Variants in BAZ1B observed in about 807,000 individuals in gnomAD.
The protein encoded by BAZ1B is bromodomain adjacent to zinc finger domain 1B.
BAZ1B carries 22 observed loss-of-function variants against 153.8 expected under a neutral mutation model. The observed-to-expected ratio is 0.14, with a 90% confidence interval of 0.10 to 0.20. The LOEUF (loss-of-function observed/expected upper bound fraction) is 0.20, where lower values mean the gene tolerates loss of function less well. BAZ1B is among the 10% of genes least tolerant of loss of function. BAZ1B has a pLI of 1.00. For missense variants in BAZ1B, 1,325 were observed against 1,799.3 expected (o/e 0.74, Z 4.77); for synonymous variants, 676 against 633.4 (o/e 1.07, Z -1.01).
At chr7:73,454,401 T>C (rs1788122102) in intron 13 of BAZ1B, among the ~76,000 whole-genome samples, 1 of 152,218 alleles carries the variant, frequency 6.6e-6, no homozygotes, top group Admixed American at 6.5e-5. Context: ...GCTTAAGTCA[T>C]GAATTAAATC....
intron 16 of BAZ1B, among the ~76,000 whole-genome samples, chr7:73,445,028 A>AC (rs1563361546): frequency 2.0e-5 from 3 of 148,606 alleles, no homozygotes; most frequent in Middle Eastern, 3.4e-3. Flanking sequence ...AAAGAAAAAA[A>AC]ACACACACAC....
chr7:73,494,864 T>C (rs1224551694), intron 4 of BAZ1B, among the ~76,000 whole-genome samples: 1 of 152,244 alleles, frequency 6.6e-6, no homozygotes. Flanking sequence ...TTAACTTTTC[T>C]GCCTTAGACA....
At chr7:73,456,818 C>T (rs998708925) in intron 13 of BAZ1B, among the ~76,000 whole-genome samples, 1 of 151,282 alleles carries the variant, frequency 6.6e-6, no homozygotes, top group African/African-American at 2.4e-5. Flanking sequence ...TGGTGGTGCA[C>T]GCCTATAGTC....
At chr7:73,462,701 G>C (rs1208324441) in intron 12 of BAZ1B, 2 of 541,848 alleles carry the variant, frequency 3.7e-6, no homozygotes, top group African/African-American at 1.9e-5. Flanking sequence ...TTCATACCAA[G>C]GTTGTAAGCC....
chr7:73,517,536 AAAAATG>A (rs1240577858), intron 1 of BAZ1B, among the ~76,000 whole-genome samples: 3 of 152,168 alleles, frequency 2.0e-5, no homozygotes, highest in Non-Finnish European at 4.4e-5. Flanking sequence ...AAGCAAGAAA[AAAAATG>A]AAAATGAAAA....
chr7:73,456,872 G>T (rs1176204198), intron 13 of BAZ1B, among the ~76,000 whole-genome samples: 1 of 133,116 alleles, frequency 7.5e-6, no homozygotes, highest in Non-Finnish European at 1.5e-5. Flanking sequence ...CTTGAACCCA[G>T]GGGAGTTTGC....
At chr7:73,469,442 A>G in intron 9 of BAZ1B, 75 bp downstream of exon 9, 1 of 1,551,432 alleles carries the variant, frequency 6.4e-7, no homozygotes, top group Non-Finnish European at 8.8e-7. Context: ...AAAACGTGAC[A>G]GAGGAAAAGC....
chr7:73,497,217 T>C (rs1374538417), intron 4 of BAZ1B, among the ~76,000 whole-genome samples: 1 of 152,018 alleles, frequency 6.6e-6, no homozygotes, highest in Non-Finnish European at 1.5e-5. Flanking sequence ...CACTCCAGCC[T>C]GGGTGACAGA....
At position 73,442,378 on chromosome 7, in the gene BAZ1B, G is replaced by A; in HGVS notation, c.4270C>T (p.His1424Tyr). 6.2e-7 allele frequency: 1 copy of A among 1,614,214 alleles called. No homozygotes were observed. Among genetic ancestry groups the A allele is most frequent in the Non-Finnish European group, 8.5e-7 (1 of 1,180,050 alleles). The change falls in exon 19 of 20, where the codon CAT (histidine) becomes TAT (tyrosine). Residue 1424 changes from histidine (H) to tyrosine (Y), a missense_variant. Coordinates refer to ENST00000339594, the MANE Select transcript of BAZ1B (RefSeq NM_032408.4). ...GTCTTCACCATGCAGCTTAGCACAT[G>A]GCTGCCACGGCAGTTGTAAACCTCA... is the stretch of plus-strand genomic sequence containing the variant. Reference protein sequence around the residue: ...NAEVYNCRGSHVLSCMVKTEQ... With the variant: ...NAEVYNCRGSYVLSCMVKTEQ...
At chr7:73,446,434 A>C (rs1293084195) in intron 16 of BAZ1B, among the ~76,000 whole-genome samples, 1 of 151,552 alleles carries the variant, frequency 6.6e-6, no homozygotes, top group African/African-American at 2.4e-5. Flanking sequence ...AAAATACAAA[A>C]ATCAGCCAGG....
intron 13 of BAZ1B, among the ~76,000 whole-genome samples, chr7:73,458,962 T>A (rs887364771): frequency 6.6e-6 from 1 of 152,068 alleles, no homozygotes; most frequent in African/African-American, 2.4e-5. Flanking sequence ...GAAAGTAAAC[T>A]GGTAGACCAG....
chr7:73,455,237 G>A lies in BAZ1B; in HGVS notation c.3433-4243C>T, dbSNP rs569735116. ...CTATAAAACCTCCAAACTTACTAGCGACTGGCACAAGCAGGGCTTTACCAG... is the reference window on the plus strand; with the variant it reads ...CTATAAAACCTCCAAACTTACTAGCAACTGGCACAAGCAGGGCTTTACCAG... On this transcript the variant is annotated intron_variant, in intron 13 of 19. Coordinates refer to ENST00000339594, the MANE Select transcript of BAZ1B (RefSeq NM_032408.4). Among the ~76,000 whole-genome samples the A allele has an allele frequency of 8.6e-4, 131 of 151,948 alleles. 1 individual carries two copies. The highest frequency in any genetic ancestry group is 2.9e-3 in the African/African-American group (121 of 41,430).
chr7:73,484,908 T>C (rs1789345730), intron 6 of BAZ1B, among the ~76,000 whole-genome samples: 1 of 152,160 alleles, frequency 6.6e-6, no homozygotes, highest in Non-Finnish European at 1.5e-5. Context: ...GACAAGTAAA[T>C]GTGAACATGT....
chr7:73,504,591 G>C (rs756544083), intron 3 of BAZ1B, among the ~76,000 whole-genome samples: 19 of 152,054 alleles, frequency 1.2e-4, no homozygotes, highest in South Asian at 4.1e-4. Flanking sequence ...ATGAACCCGG[G>C]AGGCGGAGCT....
chr7:73,500,792 G>A (rs924339976), intron 3 of BAZ1B, among the ~76,000 whole-genome samples: 14 of 151,794 alleles, frequency 9.2e-5, no homozygotes, highest in Non-Finnish European at 2.1e-4. Context: ...TCAGGCAGCT[G>A]AGGCAGGAGA....
Position 73,447,395 on chromosome 7 carries a change from A to T in BAZ1B, c.3729-16T>A, listed in dbSNP as rs1787878554. 6.2e-7 allele frequency: 1 copy of T among 1,604,172 alleles called. No individual in the cohort carries two copies. The highest frequency in any genetic ancestry group is 1.3e-5 in the African/African-American group (1 of 74,600). Reference sequence around the variant, plus strand: ...AGTATAGTTCCTGTGGGTAGAAAAAATAATGTAGGGAACACAGTTTTAGCC... The same window carrying T: ...AGTATAGTTCCTGTGGGTAGAAAAATTAATGTAGGGAACACAGTTTTAGCC... On this transcript the variant is annotated splice_polypyrimidine_tract_variant and intron_variant, in intron 15 of 19. Coordinates refer to ENST00000339594, the MANE Select transcript of BAZ1B (RefSeq NM_032408.4).
chr7:73,516,678 G>A (rs1185877101), intron 1 of BAZ1B, among the ~76,000 whole-genome samples: 1 of 148,954 alleles, frequency 6.7e-6, no homozygotes, highest in Non-Finnish European at 1.5e-5. Flanking sequence ...GGGAGGCTGA[G>A]GCAGGAGAAT....
intron 3 of BAZ1B, among the ~76,000 whole-genome samples, chr7:73,503,492 G>C (rs891406554): frequency 6.6e-6 from 1 of 151,806 alleles, no homozygotes; most frequent in African/African-American, 2.4e-5. Flanking sequence ...CCTCTTGCCT[G>C]TCTTCCAAGT....
At chr7:73,480,289 A>AT (rs1285744186) in intron 6 of BAZ1B, among the ~76,000 whole-genome samples, 1 of 152,010 alleles carries the variant, frequency 6.6e-6, no homozygotes, top group Non-Finnish European at 1.5e-5. Flanking sequence ...CCTGATACAC[A>AT]TCTCATCTCC....
Sources: gnomAD v4.1 joint callset for allele counts (sites outside exome capture counted in the v4.1 genomes callset) on GRCh38, gnomAD v4.1.1 for gene constraint, MANE v1.5 for transcripts, NCBI Gene and HGNC (gene_info 2026-07-23, HGNC 2026-07-21) for gene names.